CPNE4: variants seen among roughly 807,000 people sequenced by gnomAD.
CPNE4 encodes copine-4.
In CPNE4, 25 loss-of-function variants were observed where a neutral mutation model predicts 67.9. The ratio of observed to expected loss-of-function variants is 0.37; its 90% CI spans 0.27 to 0.51. CPNE4 has a LOEUF of 0.51. Among genes scored for constraint, CPNE4 ranks in the 20% least tolerant of loss-of-function variants. The pLI is 0.93. For missense variants in CPNE4, 464 were observed against 690.8 expected, an observed-to-expected ratio of 0.67 and a Z score of 3.68; for synonymous variants, 242 against 244.9, an observed-to-expected ratio of 0.99 and a Z score of 0.11.
chr3:131,554,667 G>A (rs890003713), intron 12 of CPNE4, among the ~76,000 whole-genome samples: 7 of 151,880 alleles, frequency 4.6e-5, no homozygotes, highest in Admixed American at 3.9e-4. Context: ...TGGCTCTAGT[G>A]AGGGAGCAAA....
intron 4 of CPNE4, 84 bp downstream of exon 4, chr3:131,699,825 G>T: frequency 1.0e-6 from 1 of 1,004,716 alleles, no homozygotes; most frequent in Non-Finnish European, 1.5e-6. Flanking sequence ...CAGAAAGTCT[G>T]CTTCCCAAGT....
intron 2 of CPNE4, among the ~76,000 whole-genome samples, chr3:131,744,534 A>G (rs972051325): frequency 3.3e-5 from 5 of 152,336 alleles, no homozygotes; most frequent in South Asian, 2.1e-4. Flanking sequence ...GAATATTTCC[A>G]TCCCCACAAG....
chr3:131,660,904 G>A lies in CPNE4; in HGVS notation c.681+8771C>T, dbSNP rs2080107281. Among the ~76,000 whole-genome samples, 3 of 152,250 alleles carry A rather than the reference G, an allele frequency of 2.0e-5. 1 individual carries two copies. In the South Asian group the frequency reaches 6.2e-4, roughly 32 times the overall value. On this transcript the variant is annotated intron_variant, in intron 7 of 15. Coordinates refer to ENST00000429747, the MANE Select transcript of CPNE4 (RefSeq NM_130808.3). ...GCAGCAATGCTAGATGTTGTTTTCAGCTAAAACTTTTAGAGAGAGGCCTCT... is the reference window on the plus strand; with the variant it reads ...GCAGCAATGCTAGATGTTGTTTTCAACTAAAACTTTTAGAGAGAGGCCTCT...
rs111272885 is a variant in CPNE4, at chr3:131,542,105, C to T, written c.1539+452G>A. ...GAAATATACTTTGCCAAGGCAAACA[C>T]AGACTTCTGCCAGGCCACATAGCTT... On this transcript the variant is annotated intron_variant, in intron 15 of 15. Transcript: ENST00000429747. 4.6e-3 allele frequency among the ~76,000 whole-genome samples: 696 copies of T among 152,286 alleles called. 9 individuals are homozygous for T. The highest frequency in any genetic ancestry group is 0.034 in the Middle Eastern group (10 of 294).
At chr3:131,743,789 C>T (rs1028957005) in intron 2 of CPNE4, among the ~76,000 whole-genome samples, 1 of 151,242 alleles carries the variant, frequency 6.6e-6, no homozygotes. Flanking sequence ...CGGTGAAACC[C>T]CGTCTCTACT....
At chr3:131,689,263 G>C (rs2080970432) in intron 5 of CPNE4, among the ~76,000 whole-genome samples, 1 of 152,104 alleles carries the variant, frequency 6.6e-6, no homozygotes, top group South Asian at 2.1e-4. Context: ...TAGAGGACCT[G>C]GTGAATGGGA....
chr3:131,870,400 G>A (rs1345393731), intron 2 of CPNE4, among the ~76,000 whole-genome samples: 2 of 152,152 alleles, frequency 1.3e-5, no homozygotes, highest in African/African-American at 2.4e-5. Context: ...TACGATATGA[G>A]GGCTTTAGCT....
At chr3:131,687,563 T>TTATTATTCCTA (rs2080923004) in intron 5 of CPNE4, among the ~76,000 whole-genome samples, 1 of 152,236 alleles carries the variant, frequency 6.6e-6, no homozygotes, top group Non-Finnish European at 1.5e-5. Context: ...TAAAAGTCAT[T>TTATTATTCCTA]TATTATTCCT....
chr3:131,664,957 A>G (rs1458155645), intron 7 of CPNE4, among the ~76,000 whole-genome samples: 1 of 152,222 alleles, frequency 6.6e-6, no homozygotes, highest in African/African-American at 2.4e-5. Flanking sequence ...TAGTAAAAAT[A>G]TGATCTGAAT....
At chr3:131,575,185 T>C in intron 9 of CPNE4, 55 bp from the exon 10 acceptor site, 2 of 1,468,222 alleles carry the variant, frequency 1.4e-6, no homozygotes, top group South Asian at 1.1e-5. Flanking sequence ...TATTTCCTGA[T>C]ATATTGGAGG....
chr3:131,830,268 A>C (rs1390176697), intron 2 of CPNE4, among the ~76,000 whole-genome samples: 4 of 151,942 alleles, frequency 2.6e-5, no homozygotes, highest in African/African-American at 9.7e-5. Context: ...ACTTTTCTCC[A>C]CCTCCACCTT....
At chr3:131,662,903 G>A (rs986266531) in intron 7 of CPNE4, among the ~76,000 whole-genome samples, 1 of 152,200 alleles carries the variant, frequency 6.6e-6, no homozygotes, top group Admixed American at 6.5e-5. Flanking sequence ...AGACAGTGTG[G>A]TGATTCCTCA....
chr3:132,019,455 T>C (rs1159440921), intron 1 of CPNE4, among the ~76,000 whole-genome samples: 3 of 152,194 alleles, frequency 2.0e-5, no homozygotes, highest in Non-Finnish European at 4.4e-5. Context: ...CAGTATTGCA[T>C]AAATCTGTGA....
intron 1 of CPNE4, among the ~76,000 whole-genome samples, chr3:131,997,139 A>G (rs2073314946): frequency 1.3e-5 from 2 of 152,202 alleles, no homozygotes; most frequent in African/African-American, 4.8e-5. Context: ...CCCATAGATT[A>G]CAGCATCTCT....
chr3:131,787,033 T>C (rs1308959904), intron 2 of CPNE4, among the ~76,000 whole-genome samples: 1 of 151,992 alleles, frequency 6.6e-6, no homozygotes, highest in East Asian at 1.9e-4. Context: ...CTTCTGCCTC[T>C]CTATTTGTAT....
chr3:131,823,440 A>G (rs1449307496), intron 2 of CPNE4, among the ~76,000 whole-genome samples: 1 of 152,218 alleles, frequency 6.6e-6, no homozygotes, highest in Non-Finnish European at 1.5e-5. Context: ...CAGTTCAGAA[A>G]TCAGCCTCTT....
intron 3 of CPNE4, among the ~76,000 whole-genome samples, chr3:131,710,843 T>C (rs899539511): frequency 1.3e-5 from 2 of 152,164 alleles, no homozygotes; most frequent in East Asian, 1.9e-4. Flanking sequence ...TCAGAGGTAA[T>C]GTAGCTTAAA....
rs1391853130 is a variant in CPNE4, at chr3:131,978,151, AT to A, written c.-2+56415del. Among the ~76,000 whole-genome samples the A allele has an allele frequency of 1.0e-4, 7 of 67,008 alleles. No homozygotes were observed. In the East Asian group the frequency reaches 1.2e-3, roughly 11 times the overall value. The allele number at this position is 67,008 out of a possible 152,430, so 44.0% of individuals were successfully genotyped here. On this transcript the variant is annotated intron_variant, in intron 1 of 15. Coordinates refer to ENST00000429747, the MANE Select transcript of CPNE4 (RefSeq NM_130808.3). ...ATATATTTATATAAATATATATAAAATATATAAATATATATAAATATGTAAA... is the reference window on the plus strand; with the variant it reads ...ATATATTTATATAAATATATATAAAAATATAAATATATATAAATATGTAAA...
intron 9 of CPNE4, 100 bp from the exon 10 acceptor site, chr3:131,575,230 G>C: frequency 1.1e-6 from 1 of 941,698 alleles, no homozygotes; most frequent in Non-Finnish European, 1.7e-6. Flanking sequence ...TGCTAAACCA[G>C]AGGAAAGGGC....
Sources: allele counts gnomAD v4.1 joint callset (sites outside exome capture counted in the v4.1 genomes callset), GRCh38; gene constraint gnomAD v4.1.1; transcripts MANE v1.5; gene names NCBI Gene and HGNC (gene_info 2026-07-23, HGNC 2026-07-21).